MBD4: variants seen among roughly 807,000 people sequenced by gnomAD.
MBD4 encodes the protein methyl-CpG-binding domain protein 4.
In MBD4, 53 loss-of-function variants were observed where a neutral mutation model predicts 60.2. The observed-to-expected ratio is 0.88, with a 90% CI of 0.71 to 1.11. The LOEUF (loss-of-function observed/expected upper bound fraction) is 1.11, where lower values mean the gene tolerates loss of function less well. MBD4 is among the 50% of genes least tolerant of loss of function. The pLI is 0.00. For synonymous variants in MBD4, 231 were observed against 229.8 expected (o/e 1.01, Z -0.05); for missense variants, 619 against 674.0 (o/e 0.92, Z 0.90).
chr3:129,437,409 C>T (rs1310846025), intron 2 of MBD4, 101 bp from the exon 3 acceptor site: 1 of 935,614 alleles, frequency 1.1e-6, no homozygotes, highest in African/African-American at 1.6e-5. Flanking sequence ...CCAAATGTTG[C>T]CATAGGTATC....
At chr3:129,435,099 A>G (rs1173984100) in intron 3 of MBD4, among the ~76,000 whole-genome samples, 1 of 152,178 alleles carries the variant, frequency 6.6e-6, no homozygotes, top group African/African-American at 2.4e-5. Context: ...TGAAGCTTCT[A>G]AATGAAGCAA....
chr3:129,435,812 A>G lies in MBD4; in HGVS notation c.1183+649T>C, dbSNP rs3138347. Among the ~76,000 whole-genome samples the G allele has an allele frequency of 4.6e-5, 7 of 152,350 alleles. No homozygotes were observed. In the East Asian group the frequency reaches 1.3e-3, roughly 29 times the overall value. On this transcript the variant is annotated intron_variant, in intron 3 of 7. Transcript: ENST00000429544. ...TCTCTTATTCACTGAGGTATTATAA[A>G]GACAAAACTGCTAAGTTCTGAATTC...
In MBD4 at chr3:129,431,593, A is replaced by G; in HGVS notation, c.1648-15T>C. The G allele has an allele frequency of 6.3e-7, 1 of 1,575,414 alleles. No homozygotes were observed. The highest frequency in any genetic ancestry group is 8.7e-7 in the Non-Finnish European group (1 of 1,147,216). Reference sequence around the variant, plus strand: ...TCAGGGTGCACCTGGAAGAAACATAAGATACAGAGGCAGAGACCTTAATGT... The same window carrying G: ...TCAGGGTGCACCTGGAAGAAACATAGGATACAGAGGCAGAGACCTTAATGT... On this transcript the variant is annotated splice_polypyrimidine_tract_variant and intron_variant, in intron 7 of 7. Coordinates refer to ENST00000429544, the MANE Select transcript of MBD4 (RefSeq NM_001276270.2).
At chr3:129,439,254 A>T (rs1011645454) in intron 1 of MBD4, among the ~76,000 whole-genome samples, 2 of 152,220 alleles carry the variant, frequency 1.3e-5, no homozygotes, top group Non-Finnish European at 2.9e-5. Flanking sequence ...TGGTGGAATC[A>T]GCACAAACTC....
intron 2 of MBD4, 100 bp from the exon 3 acceptor site, chr3:129,437,408 GCCA>G (rs983526131): frequency 5.4e-5 from 52 of 957,210 alleles, no homozygotes; most frequent in Non-Finnish European, 7.5e-5. Context: ...TCCAAATGTT[GCCA>G]TAGGTATCTG....
In MBD4 at chr3:129,431,546, A is replaced by G. The variant is rs2072343775; in HGVS notation, c.1680T>C (p.Tyr560=). 1 of 1,613,338 alleles carries G rather than the reference A, an allele frequency of 6.2e-7. No homozygotes were observed. The highest frequency in any genetic ancestry group is 2.2e-5 in the East Asian group (1 of 44,854). ...CATGATTTTCCCAAAGCCAGTCATG[A>G]TATTTATTTAATTTGTGGTCTTCAG... ...VHPEDHKLNK[Y]HDWLWENHEK... Residue 560 remains tyrosine (Y), a synonymous_variant, in exon 8 of 8, where the codon TAT becomes TAC. Transcript: ENST00000429544.
At position 129,431,278 on chromosome 3, in the gene MBD4, T is replaced by A. The variant is rs939864836; in HGVS notation, c.*223A>T. The A allele has an allele frequency of 1.4e-5, 7 of 503,242 alleles. No individual in the cohort carries two copies. Among genetic ancestry groups the A allele is most frequent in the Non-Finnish European group, 2.5e-5 (7 of 283,496 alleles). 31.2% of individuals were successfully genotyped at this position (503,242 alleles called of 1,614,324 possible). A position where few individuals can be genotyped will look rare whatever the true frequency, so the allele number is the denominator to read the frequency against. On this transcript the variant is annotated 3_prime_UTR_variant, in exon 8 of 8. Transcript: ENST00000429544. ...TGGAAAAGCCGTATTTTTTTTGGAT[T>A]GTTGTCAAATAATAATTTATTTTAA...
intron 5 of MBD4, chr3:129,433,548 T>A (rs2072397135): frequency 3.5e-6 from 2 of 578,910 alleles, no homozygotes; most frequent in Admixed American, 6.1e-5. Flanking sequence ...ACAAGGTACA[T>A]TCAGTGAAAA....
At position 129,431,444 on chromosome 3, in the gene MBD4, T is replaced by G; in HGVS notation, c.*57A>C. 7.1e-7 allele frequency: 1 copy of G among 1,403,432 alleles called. No homozygotes were observed. Among genetic ancestry groups the G allele is most frequent in the Admixed American group, 1.7e-5 (1 of 59,636 alleles). The allele number at this position is 1,403,432 out of a possible 1,614,324, so 86.9% of individuals were successfully genotyped here. A position where few individuals can be genotyped will look rare whatever the true frequency, so the allele number is the denominator to read the frequency against. ...GGAAAGGTGGTTGGTTGTACTTAAT[T>G]AAGCTTTTTTGAAGTGCAAAGCTAT... On this transcript the variant is annotated 3_prime_UTR_variant, in exon 8 of 8. Coordinates refer to ENST00000429544, the MANE Select transcript of MBD4 (RefSeq NM_001276270.2).
intron 1 of MBD4, among the ~76,000 whole-genome samples, chr3:129,438,177 C>CA (rs764955719): frequency 6.6e-6 from 1 of 152,238 alleles, no homozygotes; most frequent in African/African-American, 2.4e-5. Flanking sequence ...CTCTGCACAA[C>CA]AAAAAAGTCA....
At chr3:129,433,729 AG>A in intron 5 of MBD4, 120 bp downstream of exon 5, 1 of 1,150,090 alleles carries the variant, frequency 8.7e-7, no homozygotes. Context: ...TTAAGGGTGA[AG>A]GGGGAATGCC....
chr3:129,435,634 G>A (rs1166068633), intron 3 of MBD4, among the ~76,000 whole-genome samples: 1 of 152,148 alleles, frequency 6.6e-6, no homozygotes, highest in Non-Finnish European at 1.5e-5. Context: ...CTGGGAACAA[G>A]AATCAAACCT....
At chr3:129,433,495 A>T (rs1212244323) in intron 5 of MBD4, 1 of 599,458 alleles carries the variant, frequency 1.7e-6, no homozygotes, top group Non-Finnish European at 2.9e-6. Context: ...TTAGCTTTTA[A>T]ATGATCAGAT....
chr3:129,431,558 T>C lies in MBD4; in HGVS notation c.1668A>G (p.Lys556=). The change falls in exon 8 of 8, where the codon AAA becomes AAG. Residue 556 remains lysine, a synonymous_variant. Coordinates refer to ENST00000429544, the MANE Select transcript of MBD4 (RefSeq NM_001276270.2). ...EWKQVHPEDH[K]LNKYHDWLWE... ...AAAGCCAGTCATGATATTTATTTAATTTGTGGTCTTCAGGGTGCACCTGGA... is the reference window on the plus strand; with the variant it reads ...AAAGCCAGTCATGATATTTATTTAACTTGTGGTCTTCAGGGTGCACCTGGA... 6.2e-7 allele frequency: 1 copy of C among 1,612,814 alleles called. No homozygotes were observed. The highest frequency in any genetic ancestry group is 1.3e-5 in the African/African-American group (1 of 75,046).
intron 6 of MBD4, 151 bp downstream of exon 6, chr3:129,432,947 T>C: frequency 1.0e-6 from 1 of 997,798 alleles, no homozygotes; most frequent in Non-Finnish European, 1.5e-6. Context: ...GAGACTGTGG[T>C]TTGGGGAAAG....
chr3:129,439,434 C>T (rs1025269628), intron 1 of MBD4, among the ~76,000 whole-genome samples: 1 of 152,170 alleles, frequency 6.6e-6, no homozygotes, highest in Admixed American at 6.5e-5. Flanking sequence ...AACCTCCTAT[C>T]ACACACGTAG....
chr3:129,437,214 TAAAATC>T lies in MBD4; in HGVS notation c.424_429del (p.Asp142_Phe143del). On this transcript the variant is annotated inframe_deletion, in exon 3 of 8. Coordinates refer to ENST00000429544, the MANE Select transcript of MBD4 (RefSeq NM_001276270.2). ...TTGATACCCCTTTTAGAAAGTACAG[TAAAATC>T]AAAATCTTCTGGCTTAAGAGAAGTC... The T allele has an allele frequency of 6.2e-7, 1 of 1,613,494 alleles. No homozygotes were observed.
intron 5 of MBD4, 25 bp downstream of exon 5, chr3:129,433,825 A>C (rs2072402971): frequency 6.2e-7 from 1 of 1,613,802 alleles, no homozygotes; most frequent in African/African-American, 1.3e-5. Flanking sequence ...CTCTACTAAG[A>C]CAAAGATGAT....
intron 1 of MBD4, among the ~76,000 whole-genome samples, chr3:129,438,762 C>A (rs1399894921): frequency 1.6e-4 from 22 of 137,922 alleles, no homozygotes; most frequent in Admixed American, 4.2e-4. Flanking sequence ...AAAAAAAAAA[C>A]CCAAAAAAAC....
Sources: allele counts gnomAD v4.1 joint callset (sites outside exome capture counted in the v4.1 genomes callset), GRCh38; gene constraint gnomAD v4.1.1; transcripts MANE v1.5; gene names NCBI Gene and HGNC (gene_info 2026-07-23, HGNC 2026-07-21).